Variants in COMMD1 observed in about 807,000 individuals in gnomAD.
COMMD1 encodes COMM domain-containing protein 1.
In COMMD1, 10 loss-of-function variants were observed where a neutral mutation model predicts 17.2. The observed-to-expected ratio is 0.58, with a 90% CI of 0.36 to 0.99. The LOEUF (loss-of-function observed/expected upper bound fraction) is 0.99. COMMD1 is among the 50% of genes least tolerant of loss of function. The probability of loss-of-function intolerance (pLI) is 0.01; values close to 1 mark genes in which losing one functional copy is unlikely to be tolerated. For missense variants in COMMD1, 270 were observed against 231.8 expected (o/e 1.17, Z -1.07); for synonymous variants, 97 against 91.6 (o/e 1.06, Z -0.34).
At chr2:62,085,178 C>A (rs993046907) in intron 2 of COMMD1, among the ~76,000 whole-genome samples, 2 of 151,956 alleles carry the variant, frequency 1.3e-5, no homozygotes, top group African/African-American at 4.8e-5. Context: ...TCTCTTAAGT[C>A]CACAGTTGCT....
At chr2:62,123,324 T>C (rs1262049160) in intron 2 of COMMD1, among the ~76,000 whole-genome samples, 1 of 151,448 alleles carries the variant, frequency 6.6e-6, no homozygotes, top group East Asian at 1.9e-4. Flanking sequence ...GCCAATATGG[T>C]GAAACCCCTT....
At chr2:61,899,973 G>A (rs1250383355) in intron 1 of COMMD1, among the ~76,000 whole-genome samples, 1 of 152,102 alleles carries the variant, frequency 6.6e-6, no homozygotes, top group African/African-American at 2.4e-5. Flanking sequence ...CGCCCAGCCT[G>A]TATTTTCACT....
At chr2:62,106,834 G>A (rs774426732) in intron 2 of COMMD1, among the ~76,000 whole-genome samples, 10 of 152,176 alleles carry the variant, frequency 6.6e-5, no homozygotes, top group Admixed American at 2.0e-4. Flanking sequence ...GTGCACATCC[G>A]TGTGTGTGAG....
At chr2:61,897,412 ACAG>A (rs1350088291) in intron 1 of COMMD1, among the ~76,000 whole-genome samples, 1 of 152,162 alleles carries the variant, frequency 6.6e-6, no homozygotes, top group Non-Finnish European at 1.5e-5. Context: ...GTGTTTTGTT[ACAG>A]AGCTCCAGCC....
At chr2:62,057,056 A>G (rs1212565008) in intron 2 of COMMD1, among the ~76,000 whole-genome samples, 4 of 152,224 alleles carry the variant, frequency 2.6e-5, no homozygotes, top group African/African-American at 9.6e-5. Flanking sequence ...CACTTCGAGT[A>G]TCACTGTCTC....
intron 1 of COMMD1, among the ~76,000 whole-genome samples, chr2:61,953,994 C>T (rs990362103): frequency 6.6e-6 from 1 of 151,786 alleles, no homozygotes; most frequent in African/African-American, 2.4e-5. Flanking sequence ...CTAAGGTGGG[C>T]GAATAACAGG....
At chr2:61,909,390 G>T (rs1042858983) in intron 1 of COMMD1, among the ~76,000 whole-genome samples, 7 of 152,166 alleles carry the variant, frequency 4.6e-5, no homozygotes, top group African/African-American at 7.2e-5. Context: ...TTTCTGGCAG[G>T]CTTCTTAGAT....
Position 62,011,953 on chromosome 2 carries a change from T to C in COMMD1, c.462+10971T>C, listed in dbSNP as rs1382803174. ...TTTATGAACATATCTTTGCATTTAA[T>C]GCATAGATGTATGACTGGGCGCAGT... is the stretch of plus-strand genomic sequence containing the variant. On this transcript the variant is annotated intron_variant, in intron 2 of 2. Transcript: ENST00000311832. 2.6e-5 allele frequency among the ~76,000 whole-genome samples: 4 copies of C among 152,276 alleles called. No individual in the cohort carries two copies. In the South Asian group the frequency reaches 8.3e-4, roughly 32 times the overall value.
chr2:62,014,840 C>T (rs562929512), intron 2 of COMMD1, among the ~76,000 whole-genome samples: 1 of 152,140 alleles, frequency 6.6e-6, no homozygotes, highest in African/African-American at 2.4e-5. Context: ...GCTGGGATTA[C>T]AGGTGTGAGC....
intron 2 of COMMD1, among the ~76,000 whole-genome samples, chr2:62,009,801 A>G (rs1669228943): frequency 6.6e-6 from 1 of 152,134 alleles, no homozygotes; most frequent in African/African-American, 2.4e-5. Context: ...AAAATAAAAA[A>G]TAAAAAAGCT....
chr2:62,092,421 T>G (rs1175211309), intron 2 of COMMD1, among the ~76,000 whole-genome samples: 2 of 152,216 alleles, frequency 1.3e-5, no homozygotes, highest in Non-Finnish European at 2.9e-5. Flanking sequence ...TCTCTTGATT[T>G]GCAGGCAGGT....
chr2:62,050,348 A>G (rs1324183064), intron 2 of COMMD1, among the ~76,000 whole-genome samples: 2 of 152,220 alleles, frequency 1.3e-5, no homozygotes, highest in South Asian at 2.1e-4. Context: ...AATTTGAAAA[A>G]CAGAATAGAA....
rs1184119196 is a variant in COMMD1, at chr2:61,986,248, T to C, written c.181-14453T>C. 8.5e-5 allele frequency among the ~76,000 whole-genome samples: 13 copies of C among 152,252 alleles called. No individual in the cohort carries two copies. In the East Asian group the frequency reaches 2.5e-3, roughly 29 times the overall value. ...TTCCACTGAAAAGCCTGCTGCCAGA[T>C]GAATTGGAGCTCCATTGCATGTTAT... is the stretch of plus-strand genomic sequence containing the variant. On this transcript the variant is annotated intron_variant, in intron 1 of 2. Coordinates refer to ENST00000311832, the MANE Select transcript of COMMD1 (RefSeq NM_152516.4).
chr2:62,070,291 C>T (rs907271519), intron 2 of COMMD1: 1 of 152,200 alleles, frequency 6.6e-6, no homozygotes, highest in Non-Finnish European at 1.5e-5. Flanking sequence ...TGCAGTTGCT[C>T]ACGCTTGTAA....
At chr2:62,034,675 A>G (rs1351265192) in intron 2 of COMMD1, among the ~76,000 whole-genome samples, 1 of 152,212 alleles carries the variant, frequency 6.6e-6, no homozygotes, top group Non-Finnish European at 1.5e-5. Flanking sequence ...GGAAGTTGTT[A>G]TAGTATAAAA....
intron 1 of COMMD1, among the ~76,000 whole-genome samples, chr2:61,925,470 T>G (rs1367667339): frequency 6.6e-6 from 1 of 152,156 alleles, no homozygotes; most frequent in African/African-American, 2.4e-5. Flanking sequence ...CATATCACCT[T>G]GTGACGTTTA....
Position 61,943,838 on chromosome 2 carries a change from A to C in COMMD1, c.180+37980A>C, listed in dbSNP as rs572673251. Among the ~76,000 whole-genome samples the C allele has an allele frequency of 1.1e-4, 16 of 152,298 alleles. No homozygotes were observed. In the South Asian group the frequency reaches 1.7e-3, roughly 16 times the overall value. ...CGTCTCAGTGAGACTCTGTCTCAAA[A>C]AAAACAAAACAAAACAAAACAAAAA... On this transcript the variant is annotated intron_variant, in intron 1 of 2. Coordinates refer to ENST00000311832, the MANE Select transcript of COMMD1 (RefSeq NM_152516.4).
intron 2 of COMMD1, among the ~76,000 whole-genome samples, chr2:62,072,579 GT>G (rs1350720469): frequency 6.6e-6 from 1 of 152,208 alleles, no homozygotes; most frequent in African/African-American, 2.4e-5. Context: ...CGAAGGGTGG[GT>G]ATGAAAAGCG....
At chr2:61,980,743 C>G (rs1232047408) in intron 1 of COMMD1, among the ~76,000 whole-genome samples, 2 of 150,626 alleles carry the variant, frequency 1.3e-5, no homozygotes, top group East Asian at 2.0e-4. Context: ...TGCAGAAGCT[C>G]TTTAGTTTAA....
Sources: gnomAD v4.1 joint callset for allele counts (sites outside exome capture counted in the v4.1 genomes callset) on GRCh38, gnomAD v4.1.1 for gene constraint, MANE v1.5 for transcripts, NCBI Gene and HGNC (gene_info 2026-07-23, HGNC 2026-07-21) for gene names.